Variants in CCDC62 observed in about 807,000 individuals in gnomAD.
The protein encoded by CCDC62 is coiled-coil domain containing 62.
A neutral mutation model predicts 80.8 loss-of-function variants in CCDC62; 72 were observed. The ratio of observed to expected loss-of-function variants is 0.89; its 90% CI spans 0.74 to 1.08. CCDC62 has a LOEUF of 1.08. Among genes scored for constraint, CCDC62 ranks in the 50% least tolerant of loss-of-function variants. The probability of loss-of-function intolerance (pLI) is 0.00; values close to 1 mark genes in which losing one functional copy is unlikely to be tolerated. For missense variants in CCDC62, 704 were observed against 809.4 expected, an observed-to-expected ratio of 0.87 and a Z score of 1.58; for synonymous variants, 286 against 296.5, an observed-to-expected ratio of 0.96 and a Z score of 0.36.
At chr12:122,790,675 A>G (rs142876831) in intron 5 of CCDC62, among the ~76,000 whole-genome samples, 1,734 of 152,172 alleles carry the variant, frequency 0.011, 15 homozygotes, top group Non-Finnish European at 0.018. Context: ...AAAAAAAAGA[A>G]GAGGAATTTT....
At chr12:122,788,563 T>C (rs2030407298) in intron 4 of CCDC62, among the ~76,000 whole-genome samples, 195 bp from the exon 5 acceptor site, 1 of 152,214 alleles carries the variant, frequency 6.6e-6, no homozygotes, top group Non-Finnish European at 1.5e-5. Flanking sequence ...ACGCAGCCTT[T>C]CTGTTGACTC....
chr12:122,783,306 C>T (rs1489216741), intron 3 of CCDC62, among the ~76,000 whole-genome samples: 2 of 150,638 alleles, frequency 1.3e-5, no homozygotes, highest in Admixed American at 6.6e-5. Context: ...CGGCTCACTG[C>T]AAGCTCCGCC....
At chr12:122,792,368 G>A (rs1354819963) in intron 6 of CCDC62, among the ~76,000 whole-genome samples, 1 of 151,614 alleles carries the variant, frequency 6.6e-6, no homozygotes, top group Non-Finnish European at 1.5e-5. Context: ...TTACTGGTAT[G>A]AGCCACCACG....
intron 11 of CCDC62, among the ~76,000 whole-genome samples, chr12:122,820,061 CAAAAAAAA>C (rs34620795): frequency 1.7e-5 from 1 of 58,122 alleles, no homozygotes; most frequent in Non-Finnish European, 2.8e-5. Context: ...GATCCTGTCT[CAAAAAAAA>C]AAAAAAAAAA....
chr12:122,776,793 G>C (rs1008571804), intron 1 of CCDC62: 1 of 88,376 alleles, frequency 1.1e-5, no homozygotes, highest in East Asian at 2.9e-4. Flanking sequence ...TAACTATTTC[G>C]TGATTTTGTT....
chr12:122,789,325 G>A (rs1450695401), intron 5 of CCDC62, among the ~76,000 whole-genome samples: 1 of 152,178 alleles, frequency 6.6e-6, no homozygotes, highest in Non-Finnish European at 1.5e-5. Context: ...TTCCCATCTG[G>A]GCAGTTTTGG....
intron 11 of CCDC62, among the ~76,000 whole-genome samples, chr12:122,815,607 C>T (rs1309367273): frequency 1.6e-4 from 24 of 152,014 alleles, no homozygotes; most frequent in African/African-American, 2.9e-4. Flanking sequence ...CCACCACACC[C>T]GGCTAATTTT....
At chr12:122,807,024 TG>T in intron 10 of CCDC62, among the ~76,000 whole-genome samples, 1 of 152,046 alleles carries the variant, frequency 6.6e-6, no homozygotes, top group Non-Finnish European at 1.5e-5. Flanking sequence ...TTTCTCTATC[TG>T]CAGAGACATG....
intron 11 of CCDC62, among the ~76,000 whole-genome samples, chr12:122,820,338 G>A (rs925129359): frequency 8.5e-5 from 13 of 152,148 alleles, no homozygotes; most frequent in African/African-American, 3.1e-4. Flanking sequence ...GCCTCATGGC[G>A]GGCTTCCTCC....
intron 12 of CCDC62, among the ~76,000 whole-genome samples, chr12:122,823,703 TAA>T (rs71811332): frequency 5.2e-4 from 69 of 133,020 alleles, no homozygotes; most frequent in Admixed American, 7.6e-4. Flanking sequence ...CCTTGTCTCT[TAA>T]AAAAAAAAAA....
chr12:122,796,019 T>C (rs1347831797), intron 6 of CCDC62, among the ~76,000 whole-genome samples: 3 of 152,162 alleles, frequency 2.0e-5, no homozygotes, highest in Non-Finnish European at 4.4e-5. Flanking sequence ...TCAGACCCAA[T>C]CCACTTTGAT....
chr12:122,816,799 G>A (rs954725086), intron 11 of CCDC62, among the ~76,000 whole-genome samples: 3 of 146,862 alleles, frequency 2.0e-5, no homozygotes, highest in Non-Finnish European at 4.4e-5. Context: ...TGTACAATTT[G>A]GTGGTTTTTT....
intron 2 of CCDC62, 125 bp from the exon 3 acceptor site, chr12:122,781,039 G>A: frequency 1.4e-6 from 1 of 695,996 alleles, no homozygotes; most frequent in Non-Finnish European, 2.4e-6. Flanking sequence ...ATAATAAAAG[G>A]TTTTAAAAGA....
Position 122,801,200 on chromosome 12 carries a change from CTG to C in CCDC62, c.1056_1057del (p.Phe353Ter). The C allele has an allele frequency of 1.2e-6, 2 of 1,614,002 alleles. No individual in the cohort carries two copies. The highest frequency in any genetic ancestry group is 2.2e-5 in the South Asian group (2 of 91,052). On this transcript the variant is annotated frameshift_variant, in exon 9 of 13. Coordinates refer to ENST00000253079, the MANE Select transcript of CCDC62 (RefSeq NM_201435.5). LOFTEE classifies it high-confidence loss of function. ...DIKREKNQKS[L>X]FKDQKFEAML... ...TAAGAGGGAAAAAAATCAGAAGTCACTGTTTAAGGACCAGAAATTTGAAGCCA... is the reference window on the plus strand; with the variant it reads ...TAAGAGGGAAAAAAATCAGAAGTCACTTTAAGGACCAGAAATTTGAAGCCA...
chr12:122,783,278 A>G (rs1442012560), intron 3 of CCDC62, among the ~76,000 whole-genome samples: 6 of 136,810 alleles, frequency 4.4e-5, no homozygotes, highest in African/African-American at 5.6e-5. Context: ...CCCAGGCTGG[A>G]GTGCAGTGGT....
Position 122,801,609 on chromosome 12 carries a change from A to T in CCDC62, c.1463A>T (p.Asp488Val). 1 of 1,614,172 alleles carries T rather than the reference A, an allele frequency of 6.2e-7. No individual in the cohort carries two copies. Among genetic ancestry groups the T allele is most frequent in the East Asian group, 2.2e-5 (1 of 44,888 alleles). ...GAAAAGCTGGATGTAGAATGTCAAGATCAGATGGAAAGGTCCGAAATCTCA... is the reference window on the plus strand; with the variant it reads ...GAAAAGCTGGATGTAGAATGTCAAGTTCAGATGGAAAGGTCCGAAATCTCA... ...HPEKLDVECQ[D>V]QMERSEISCC... The change falls in exon 9 of 13, where the codon GAT (aspartate) becomes GTT (valine). Residue 488 changes from aspartate to valine, a missense_variant. Coordinates refer to ENST00000253079, the MANE Select transcript of CCDC62 (RefSeq NM_201435.5).
chr12:122,776,665 TATGTATAGATGCCTTAG>T (rs1317486122), intron 1 of CCDC62: 1 of 152,222 alleles, frequency 6.6e-6, no homozygotes, highest in Non-Finnish European at 1.5e-5. Flanking sequence ...ATAGATTGAG[TATGTATAGATGCCTTAG>T]ATGTTGTAGT....
In CCDC62 at chr12:122,824,075, A is replaced by G. The variant is rs1205553018; in HGVS notation, c.*40+616A>G. Among the ~76,000 whole-genome samples the G allele has an allele frequency of 3.3e-5, 5 of 152,302 alleles. No individual in the cohort carries two copies. In the East Asian group the frequency reaches 9.6e-4, roughly 29 times the overall value. ...ACAGCTTTAAAAATCAGAATCTAATATGAAAAGATGTTCAACATCACTAAT... is the reference window on the plus strand; with the variant it reads ...ACAGCTTTAAAAATCAGAATCTAATGTGAAAAGATGTTCAACATCACTAAT... On this transcript the variant is annotated intron_variant, in intron 12 of 12. Coordinates refer to ENST00000253079, the MANE Select transcript of CCDC62 (RefSeq NM_201435.5).
Position 122,809,468 on chromosome 12 carries a change from C to T in CCDC62, c.1851+3173C>T, listed in dbSNP as rs563575107. ...TTGTGCCATTGCACTTCAGCCTGGG[C>T]GACAGAGCCAGACCCTGTCTTAAAA... On this transcript the variant is annotated intron_variant, in intron 10 of 12. Transcript: ENST00000253079. Among the ~76,000 whole-genome samples, 34 of 151,796 alleles carry T rather than the reference C, an allele frequency of 2.2e-4. No individual in the cohort carries two copies. The South Asian group carries it at 6.7e-3, about 30-fold the overall frequency.
Sources: allele counts gnomAD v4.1 joint callset (sites outside exome capture counted in the v4.1 genomes callset), GRCh38; gene constraint gnomAD v4.1.1; transcripts MANE v1.5; gene names NCBI Gene and HGNC (gene_info 2026-07-23, HGNC 2026-07-21).